Variants in HERC3 observed in about 807,000 individuals in gnomAD.
The protein encoded by HERC3 is HECT and RLD domain containing E3 ubiquitin protein ligase 3.
A neutral mutation model predicts 129.9 loss-of-function variants in HERC3; 58 were observed. That is an observed-to-expected ratio of 0.45 (90% CI 0.36 to 0.56). The LOEUF (loss-of-function observed/expected upper bound fraction) is 0.56. HERC3 is among the 20% of genes least tolerant of loss of function. The probability of loss-of-function intolerance (pLI) is 0.00; values close to 1 mark genes in which losing one functional copy is unlikely to be tolerated. For synonymous variants in HERC3, 430 were observed against 451.0 expected (o/e 0.95, Z 0.59); for missense variants, 835 against 1,244.2 (o/e 0.67, Z 4.95).
intron 10 of HERC3, among the ~76,000 whole-genome samples, chr4:88,661,218 T>G (rs1445089285): frequency 2.6e-5 from 4 of 152,220 alleles, no homozygotes; most frequent in Admixed American, 6.5e-5. Flanking sequence ...AATCTCTGTG[T>G]GTACTCCAGC....
chr4:88,653,180 T>C (rs1729481141), intron 6 of HERC3, 90 bp downstream of exon 6: 9 of 1,240,236 alleles, frequency 7.3e-6, no homozygotes, highest in East Asian at 2.4e-5. Flanking sequence ...GCTAGCCCCA[T>C]GTGAGATACT....
At chr4:88,668,720 G>A (rs114370299) in intron 14 of HERC3, 2,116 of 152,804 alleles carry the variant, frequency 0.014, 16 homozygotes, top group Non-Finnish European at 0.021. Flanking sequence ...ATTTTGTTAG[G>A]TGTCATTGCA....
intron 2 of HERC3, among the ~76,000 whole-genome samples, chr4:88,601,792 T>C (rs542089945): frequency 0.17 from 21,871 of 129,466 alleles, 4,837 homozygotes; most frequent in African/African-American, 0.52. Context: ...CGCGGTGGCT[T>C]ACGCCTGTAA....
At chr4:88,532,354 C>T in the HERC3 span, among the ~76,000 whole-genome samples, 1 of 152,184 alleles carries the variant, frequency 6.6e-6, no homozygotes, top group Non-Finnish European at 1.5e-5. Context: ...CGGGAGCCAA[C>T]AGTGTAGGTC....
At chr4:88,608,444 A>C (rs546169741) in intron 3 of HERC3, among the ~76,000 whole-genome samples, 1 of 152,356 alleles carries the variant, frequency 6.6e-6, no homozygotes, top group African/African-American at 2.4e-5. Context: ...GATGAACACC[A>C]TTCCATGTAC....
intron 23 of HERC3, among the ~76,000 whole-genome samples, chr4:88,691,559 G>T (rs1734078569): frequency 6.6e-6 from 1 of 152,296 alleles, no homozygotes; most frequent in African/African-American, 2.4e-5. Flanking sequence ...AAGCTCTCAT[G>T]ACTCTTATAA....
intron 11 of HERC3, 118 bp downstream of exon 11, chr4:88,662,673 T>C (rs1730613338): frequency 2.8e-6 from 3 of 1,073,688 alleles, no homozygotes; most frequent in South Asian, 1.6e-5. Flanking sequence ...TTTTACATTA[T>C]AGGGAATCGT....
At chr4:88,630,233 C>T (rs1194226261) in intron 3 of HERC3, among the ~76,000 whole-genome samples, 1 of 152,102 alleles carries the variant, frequency 6.6e-6, no homozygotes, top group Non-Finnish European at 1.5e-5. Context: ...TCCATTTCTC[C>T]CATAAAGAAT....
chr4:88,564,106 T>A, the HERC3 span, among the ~76,000 whole-genome samples: 7 of 152,262 alleles, frequency 4.6e-5, no homozygotes, highest in Non-Finnish European at 8.8e-5. Context: ...GATTTGTGTA[T>A]GTAGAACCAT....
intron 3 of HERC3, among the ~76,000 whole-genome samples, chr4:88,635,018 C>T (rs897738570): frequency 2.0e-5 from 3 of 151,998 alleles, no homozygotes; most frequent in Non-Finnish European, 2.9e-5. Flanking sequence ...GCTCAAAGAT[C>T]GAAACTAGAC....
the HERC3 span, among the ~76,000 whole-genome samples, chr4:88,586,070 T>C: frequency 1.3e-5 from 2 of 152,212 alleles, no homozygotes; most frequent in East Asian, 3.9e-4. Flanking sequence ...TTTAGGAATT[T>C]ACTTTACTGA....
upstream of HERC3, among the ~76,000 whole-genome samples, chr4:88,590,254 C>T (rs532349792): frequency 2.0e-5 from 3 of 150,228 alleles, no homozygotes; most frequent in South Asian, 4.2e-4. Context: ...GGCAACTGAG[C>T]GAGACTCCTT....
Position 88,654,074 on chromosome 4 carries a change from C to G in HERC3, c.718C>G (p.Arg240Gly). The G allele has an allele frequency of 6.2e-7, 1 of 1,612,782 alleles. No individual in the cohort carries two copies. The highest frequency in any genetic ancestry group is 8.5e-7 in the Non-Finnish European group (1 of 1,179,102). The change falls in exon 7 of 26, where the codon CGC becomes GGC. Residue 240 changes from arginine (R) to glycine (G), a missense_variant. Transcript: ENST00000402738. ...ATCTCCATGCCATGTAAAACTCTTA[C>G]GCACGCAAAAAGTTGTCTATATTAG... ...RESPCHVKLL[R>G]TQKVVYISCG...
At chr4:88,527,262 T>A in the HERC3 span, 1 of 151,840 alleles carries the variant, frequency 6.6e-6, no homozygotes, top group Non-Finnish European at 1.5e-5. Context: ...TTTCTTTTTT[T>A]TTTTTTTGAG....
At position 88,652,857 on chromosome 4, in the gene HERC3, C is replaced by T. The variant is rs1178033072; in HGVS notation, c.464-12C>T. The T allele has an allele frequency of 6.3e-7, 1 of 1,599,312 alleles. No individual in the cohort carries two copies. Among genetic ancestry groups the T allele is most frequent in the Non-Finnish European group, 8.6e-7 (1 of 1,169,562 alleles). ...TCATTTTATGGTAATACCAGTTATC[C>T]TGTTATTTCAGATGGCCAGTTCTTC... On this transcript the variant is annotated splice_polypyrimidine_tract_variant and intron_variant, in intron 5 of 25. Coordinates refer to ENST00000402738, the MANE Select transcript of HERC3 (RefSeq NM_014606.3).
chr4:88,620,689 C>T (rs1418979577), intron 3 of HERC3, among the ~76,000 whole-genome samples: 1 of 152,122 alleles, frequency 6.6e-6, no homozygotes, highest in Non-Finnish European at 1.5e-5. Context: ...TATCCCTCTC[C>T]CCAAAATCTT....
At chr4:88,687,124 A>C in intron 22 of HERC3, 93 bp from the exon 23 acceptor site, 1 of 907,434 alleles carries the variant, frequency 1.1e-6, no homozygotes, top group Non-Finnish European at 1.7e-6. Context: ...ATGAAACTAC[A>C]TTTGTTCCTA....
rs566574190 is a variant in HERC3 at position 88,667,078 on chromosome 4, A to G, written c.1332-299A>G. Among the ~76,000 whole-genome samples the G allele has an allele frequency of 6.6e-5, 10 of 152,324 alleles. No individual in the cohort carries two copies. The South Asian group carries it at 2.1e-3, about 32-fold the overall frequency. On this transcript the variant is annotated intron_variant, in intron 12 of 25. Coordinates refer to ENST00000402738, the MANE Select transcript of HERC3 (RefSeq NM_014606.3). Reference sequence around the variant, plus strand: ...TAATTATTTGTTTATAAACTTCAAGATAGCCTTAACTTGATATGACAGTCC... The same window carrying G: ...TAATTATTTGTTTATAAACTTCAAGGTAGCCTTAACTTGATATGACAGTCC...
At chr4:88,523,882 C>T in the HERC3 span, 16 of 584,334 alleles carry the variant, frequency 2.7e-5, no homozygotes, top group Non-Finnish European at 4.3e-5. Flanking sequence ...ACTGCTTTTC[C>T]CACGGGCGTC....
Sources: allele counts gnomAD v4.1 joint callset (sites outside exome capture counted in the v4.1 genomes callset), GRCh38; gene constraint gnomAD v4.1.1; transcripts MANE v1.5; gene names NCBI Gene and HGNC (gene_info 2026-07-23, HGNC 2026-07-21).